RBM19: variants seen among roughly 807,000 people sequenced by gnomAD.
RBM19 encodes probable RNA-binding protein 19.
RBM19 carries 94 observed loss-of-function variants against 116.8 expected under a neutral mutation model. The ratio of observed to expected loss-of-function variants is 0.80; its 90% CI spans 0.68 to 0.95. The LOEUF is 0.95. Ranked by LOEUF, RBM19 falls within the 40% of genes least tolerant of loss-of-function variation. The pLI, the probability that RBM19 is intolerant of heterozygous loss-of-function variation, is 0.00. For synonymous variants in RBM19, 475 were observed against 494.1 expected, an observed-to-expected ratio of 0.96 and a Z score of 0.51; for missense variants, 1,161 against 1,220.7, an observed-to-expected ratio of 0.95 and a Z score of 0.73.
At chr12:113,884,004 G>C (rs182171560) in intron 21 of RBM19, among the ~76,000 whole-genome samples, 20 of 152,036 alleles carry the variant, frequency 1.3e-4, no homozygotes, top group Admixed American at 9.8e-4. Context: ...GTTGGGCACA[G>C]TGGCTTACGC....
chr12:113,857,402 TCACAGATCAGAAAACTGTGG>T (rs1195318195), intron 22 of RBM19, among the ~76,000 whole-genome samples: 1 of 152,242 alleles, frequency 6.6e-6, no homozygotes. Context: ...CATTCCCGTT[TCACAGATCAGAAAACTGTGG>T]CACAGGGAAG....
intron 22 of RBM19, among the ~76,000 whole-genome samples, chr12:113,851,797 C>T (rs1376553351): frequency 6.7e-6 from 1 of 150,230 alleles, no homozygotes; most frequent in Non-Finnish European, 1.5e-5. Context: ...CGCCTGTAAT[C>T]CCAGCACTTT....
chr12:113,862,018 C>T (rs567799082), intron 21 of RBM19, among the ~76,000 whole-genome samples: 29 of 152,288 alleles, frequency 1.9e-4, no homozygotes, highest in Admixed American at 1.8e-3. Context: ...AGGTTTCTTT[C>T]CTCCTTCTAA....
At chr12:113,859,831 T>C (rs1402881112) in intron 21 of RBM19, among the ~76,000 whole-genome samples, 2 of 149,990 alleles carry the variant, frequency 1.3e-5, no homozygotes, top group Non-Finnish European at 3.0e-5. Flanking sequence ...TACACACACT[T>C]GCGGCTGCCT....
chr12:113,944,028 C>A (rs1219215533), intron 13 of RBM19, among the ~76,000 whole-genome samples: 1 of 151,004 alleles, frequency 6.6e-6, no homozygotes, highest in Non-Finnish European at 1.5e-5. Context: ...GCCAAATCCA[C>A]CCATGTCAAA....
intron 23 of RBM19, among the ~76,000 whole-genome samples, chr12:113,830,570 C>CGGGGGGGGGGGGGGGGGGGGG (rs869235673): frequency 1.3e-4 from 1 of 7,856 alleles, no homozygotes; most frequent in Admixed American, 1.5e-3. Context: ...GCTAGGGCTG[C>CGGGGGGGGGGGGGGGGGGGGG]GGGGCGGGGG....
chr12:113,923,872 A>G (rs1262656133), intron 18 of RBM19, among the ~76,000 whole-genome samples: 1 of 152,218 alleles, frequency 6.6e-6, no homozygotes, highest in East Asian at 1.9e-4. Flanking sequence ...TCAGTCTTAT[A>G]TAACTAACAC....
chr12:113,836,994 T>TACACAC (rs55991489), intron 23 of RBM19, among the ~76,000 whole-genome samples: 16 of 56,260 alleles, frequency 2.8e-4, no homozygotes, highest in South Asian at 1.7e-3. Context: ...ACTTACTACA[T>TACACAC]ACACACACAC....
At chr12:113,948,761 C>G in intron 10 of RBM19, 72 bp downstream of exon 10, 1 of 1,510,600 alleles carries the variant, frequency 6.6e-7, no homozygotes, top group East Asian at 2.3e-5. Context: ...GGACTTGAAC[C>G]CAGGACGTCA....
chr12:113,958,235 T>C (rs1242017598), intron 5 of RBM19, among the ~76,000 whole-genome samples, 185 bp from the exon 6 acceptor site: 1 of 152,302 alleles, frequency 6.6e-6, no homozygotes, highest in East Asian at 1.9e-4. Flanking sequence ...GCAGGGCTAC[T>C]GCAGCTTTGA....
rs760613900 is a variant in RBM19, at chr12:113,952,527, G to A, written c.985C>T (p.His329Tyr). 4 of 1,613,622 alleles carry A rather than the reference G, an allele frequency of 2.5e-6. No homozygotes were observed. The highest frequency in any genetic ancestry group is 3.4e-6 in the Non-Finnish European group (4 of 1,179,578). ...PVAIRIVRNA[H>Y]GNKTGYIFVD... ...TGGATCTTACCTGTTTTATTCCCAT[G>A]AGCGTTTCTCACAATTCGAATGGCC... Residue 329 changes from histidine (H) to tyrosine (Y), a missense_variant, in exon 8 of 24, where the codon CAT becomes TAT. His to Tyr is a moderately conservative substitution (Grantham distance 83). Transcript: ENST00000261741.
At chr12:113,853,938 CCTT>C (rs1877675886) in intron 22 of RBM19, among the ~76,000 whole-genome samples, 2 of 152,134 alleles carry the variant, frequency 1.3e-5, no homozygotes, top group South Asian at 4.2e-4. Context: ...ATTGGAGAGT[CCTT>C]CTCCTTGGTG....
chr12:113,920,877 G>A (rs531616921), intron 18 of RBM19, among the ~76,000 whole-genome samples, 187 bp from the exon 19 acceptor site: 13 of 152,090 alleles, frequency 8.5e-5, no homozygotes, highest in Non-Finnish European at 1.9e-4. Flanking sequence ...ATCAGCCAAC[G>A]CAGTTAACAT....
chr12:113,900,028 C>G (rs1031098541), intron 21 of RBM19, among the ~76,000 whole-genome samples: 7 of 152,104 alleles, frequency 4.6e-5, no homozygotes, highest in Non-Finnish European at 1.0e-4. Context: ...ACCCTTCCCC[C>G]GGTACAGGCA....
intron 21 of RBM19, among the ~76,000 whole-genome samples, chr12:113,879,783 G>A (rs1217469286): frequency 6.6e-6 from 1 of 152,010 alleles, no homozygotes; most frequent in Non-Finnish European, 1.5e-5. Flanking sequence ...CTTAGCCTAA[G>A]TCTCCTGGCA....
rs555994574 is a variant in RBM19 at position 113,880,538 on chromosome 12, G to T, written c.2559-21642C>A. ...ATTTCAAGTGGCTTCGGTCTCAGGG[G>T]AAGCAGAGTGATGTCACAGCTGCGA... On this transcript the variant is annotated intron_variant, in intron 21 of 23. Transcript: ENST00000261741. Among the ~76,000 whole-genome samples, 4 of 152,322 alleles carry T rather than the reference G, an allele frequency of 2.6e-5. No homozygotes were observed. The South Asian group carries it at 8.3e-4, about 32-fold the overall frequency.
chr12:113,892,927 C>G (rs1271555286), intron 21 of RBM19, among the ~76,000 whole-genome samples: 2 of 152,034 alleles, frequency 1.3e-5, no homozygotes, highest in Non-Finnish European at 2.9e-5. Flanking sequence ...TAAAAACTCA[C>G]CAATAATGAT....
At chr12:113,817,234 G>A (rs992702166), downstream of RBM19, 1 of 152,274 alleles carries the variant, frequency 6.6e-6, no homozygotes, top group Non-Finnish European at 1.5e-5. Context: ...TTAAAGCCTA[G>A]GAGACAGAGC....
rs371595560 is a variant in RBM19, at chr12:113,844,717, G to C, written c.2736C>G (p.Ser912=). The C allele has an allele frequency of 3.1e-6, 5 of 1,613,304 alleles. No homozygotes were observed. The highest frequency in any genetic ancestry group is 4.2e-6 in the Non-Finnish European group (5 of 1,179,824). The change falls in exon 23 of 24, where the codon TCC becomes TCG. Residue 912 remains serine, a synonymous_variant. Transcript: ENST00000261741. The stretch of plus-strand genomic sequence containing the variant: ...GCCGCAGGGCCTGCAGGGTCACCTC[G>C]GAGTCGGCCCACTCCAGCACCAGCC... ...GRRLVLEWAD[S]EVTLQALRRK...
Sources: allele counts gnomAD v4.1 joint callset (sites outside exome capture counted in the v4.1 genomes callset), GRCh38; gene constraint gnomAD v4.1.1; transcripts MANE v1.5; gene names NCBI Gene and HGNC (gene_info 2026-07-23, HGNC 2026-07-21).